Variants in ENTREP2 observed in about 807,000 individuals in gnomAD.
ENTREP2 encodes protein ENTREP2.
the ENTREP2 span, among the ~76,000 whole-genome samples, chr15:29,580,505 C>T: frequency 6.6e-6 from 1 of 152,160 alleles, no homozygotes; most frequent in Non-Finnish European, 1.5e-5. Flanking sequence ...TTAGGTCTAG[C>T]TTTCCCTGGC....
chr15:29,620,055 T>C, the ENTREP2 span, among the ~76,000 whole-genome samples: 361 of 152,184 alleles, frequency 2.4e-3, 17 homozygotes, highest in East Asian at 0.061. Context: ...GGGTTTATTA[T>C]AGGAATTTGA....
the ENTREP2 span, among the ~76,000 whole-genome samples, chr15:29,244,337 A>T: frequency 2.0e-5 from 3 of 152,252 alleles, no homozygotes; most frequent in East Asian, 3.8e-4. Flanking sequence ...ATTACTCTAC[A>T]TGGTAACCCA....
the ENTREP2 span, among the ~76,000 whole-genome samples, chr15:29,476,638 T>C: frequency 6.6e-6 from 1 of 152,202 alleles, no homozygotes; most frequent in African/African-American, 2.4e-5. Context: ...TGGACACTTC[T>C]GGACCTGAGG....
chr15:29,453,337 T>G, the ENTREP2 span, among the ~76,000 whole-genome samples: 1 of 152,228 alleles, frequency 6.6e-6, no homozygotes, highest in African/African-American at 2.4e-5. Context: ...AGGAGGACTG[T>G]GCCTCACAAG....
the ENTREP2 span, among the ~76,000 whole-genome samples, chr15:29,188,884 G>A: frequency 3.3e-5 from 5 of 152,194 alleles, no homozygotes; most frequent in African/African-American, 1.2e-4. Context: ...GTCCCTGAAC[G>A]GAGGGGTTCA....
chr15:29,121,475 C>T, the ENTREP2 span: 102,220 of 152,150 alleles, frequency 0.67, 38,225 homozygotes, highest in Middle Eastern at 0.89. Context: ...ACCCCTGCGG[C>T]GTGGCCCCAG....
the ENTREP2 span, among the ~76,000 whole-genome samples, chr15:29,450,026 C>T: frequency 6.6e-6 from 1 of 152,230 alleles, no homozygotes; most frequent in South Asian, 2.1e-4. Context: ...TTTTCATAGG[C>T]TTGTTGACTG....
the ENTREP2 span, among the ~76,000 whole-genome samples, chr15:29,468,169 T>C: frequency 2.0e-5 from 3 of 152,138 alleles, no homozygotes; most frequent in Non-Finnish European, 4.4e-5. Flanking sequence ...CCAACAGTGA[T>C]CGACTGTAAA....
the ENTREP2 span, among the ~76,000 whole-genome samples, chr15:29,230,404 C>T: frequency 6.6e-6 from 1 of 152,032 alleles, no homozygotes; most frequent in Non-Finnish European, 1.5e-5. Flanking sequence ...TATTATTTAC[C>T]ACATAACGTA....
chr15:29,192,459 T>A, the ENTREP2 span, among the ~76,000 whole-genome samples: 10 of 152,194 alleles, frequency 6.6e-5, no homozygotes, highest in African/African-American at 2.2e-4. Context: ...GAAGAAGACA[T>A]TGGGTTCTGC....
the ENTREP2 span, among the ~76,000 whole-genome samples, chr15:29,219,004 T>C: frequency 2.6e-5 from 4 of 152,114 alleles, no homozygotes; most frequent in African/African-American, 9.7e-5. Context: ...AAGGAACAGT[T>C]ATCAGAGTAA....
chr15:29,401,409 T>C, the ENTREP2 span, among the ~76,000 whole-genome samples: 11 of 152,190 alleles, frequency 7.2e-5, no homozygotes, highest in South Asian at 4.1e-4. Context: ...ACAGAATGCG[T>C]AGACCTACTG....
the ENTREP2 span, chr15:29,123,443 T>C: frequency 3.2e-6 from 5 of 1,551,644 alleles, no homozygotes; most frequent in Admixed American, 2.0e-5. Context: ...TGTGCCTCGG[T>C]GGGGAGGGCA....
chr15:29,221,384 T>C, the ENTREP2 span, among the ~76,000 whole-genome samples: 9,962 of 152,034 alleles, frequency 0.066, 1,146 homozygotes, highest in African/African-American at 0.23. Context: ...GTATTTTTAG[T>C]AGAGACAGGG....
At chr15:29,586,384 G>A in the ENTREP2 span, among the ~76,000 whole-genome samples, 1 of 152,152 alleles carries the variant, frequency 6.6e-6, no homozygotes, top group Non-Finnish European at 1.5e-5. Context: ...ATTGGATAGT[G>A]GTGATGGTTG....
At chr15:29,289,770 C>T in the ENTREP2 span, among the ~76,000 whole-genome samples, 11 of 151,846 alleles carry the variant, frequency 7.2e-5, no homozygotes, top group Non-Finnish European at 1.0e-4. Flanking sequence ...CACTGGAATC[C>T]GGGAGGTGGA....
the ENTREP2 span, among the ~76,000 whole-genome samples, chr15:29,579,557 T>C: frequency 2.0e-5 from 3 of 148,994 alleles, no homozygotes; most frequent in African/African-American, 7.4e-5. Context: ...TCTCGCTCTG[T>C]CCCTCAGGCT....
chr15:29,178,545 C>T, the ENTREP2 span, among the ~76,000 whole-genome samples: 19 of 151,930 alleles, frequency 1.3e-4, no homozygotes, highest in East Asian at 3.9e-4. Flanking sequence ...CCTGGGCGAG[C>T]GCTAGAAAGG....
the ENTREP2 span, among the ~76,000 whole-genome samples, chr15:29,295,175 A>C: frequency 6.6e-6 from 1 of 152,226 alleles, no homozygotes; most frequent in African/African-American, 2.4e-5. Flanking sequence ...GAAATAATGA[A>C]TGAACTGTCT....
Sources: allele counts gnomAD v4.1 joint callset (sites outside exome capture counted in the v4.1 genomes callset), GRCh38; gene constraint gnomAD v4.1.1; transcripts MANE v1.5; gene names NCBI Gene and HGNC (gene_info 2026-07-23, HGNC 2026-07-21).